The following SIRPD variants were observed in gnomAD, a reference collection of about 807,000 sequenced individuals.
SIRPD encodes the protein signal regulatory protein delta.
Under a neutral mutation model 18.0 loss-of-function variants are expected in SIRPD, and 21 were observed. The observed-to-expected ratio is 1.17, with a 90% confidence interval of 0.83 to 1.68. The LOEUF (loss-of-function observed/expected upper bound fraction) is 1.68, where lower values mean the gene tolerates loss of function less well. Among genes scored for constraint, SIRPD ranks in the 40% most tolerant of loss-of-function variants. The pLI is 0.00. For missense variants in SIRPD, 295 were observed against 238.4 expected, an observed-to-expected ratio of 1.24 and a Z score of -1.56; for synonymous variants, 106 against 92.9, an observed-to-expected ratio of 1.14 and a Z score of -0.81.
chr20:1,556,532 C>G (rs2091042257), intron 1 of SIRPD, among the ~76,000 whole-genome samples: 2 of 152,152 alleles, frequency 1.3e-5, no homozygotes, highest in Non-Finnish European at 2.9e-5. Flanking sequence ...CCACAAGTAG[C>G]TCAGAATGTG....
chr20:1,557,634 G>A lies in SIRPD; in HGVS notation c.20C>T (p.Pro7Leu), dbSNP rs754411309. The change falls in exon 1 of 4, where the codon CCA (proline) becomes CTA (leucine). Residue 7 changes from proline (P) to leucine (L), a missense_variant. Transcript: ENST00000381623. ...TAAGGAAGGCAGAGGTGGGTGGAGT[G>A]GGGAGGCAGGGATGGGCATTGTGGT... The part of the protein sequence containing the change: MPIPAS[P>L]LHPPLPSLLL... 4.3e-6 allele frequency: 7 copies of A among 1,609,698 alleles called. No individual in the cohort carries two copies. The highest frequency in any genetic ancestry group is 1.7e-5 in the Admixed American group (1 of 59,414).
In SIRPD at chr20:1,534,458, A is replaced by G. The variant is rs751413081; in HGVS notation, c.578-17T>C. On this transcript the variant is annotated splice_polypyrimidine_tract_variant and intron_variant, in intron 3 of 3. Coordinates refer to ENST00000381623, the MANE Select transcript of SIRPD (RefSeq NM_178460.3). ...ACAGCAAGCCTGAAATACAATAAAA[A>G]TAAAATAAAATAAAACATTTCTCCC... is the stretch of plus-strand genomic sequence containing the variant. The G allele has an allele frequency of 6.2e-7, 1 of 1,600,168 alleles. No individual in the cohort carries two copies. Among genetic ancestry groups the G allele is most frequent in the South Asian group, 1.1e-5 (1 of 89,808 alleles).
intron 2 of SIRPD, among the ~76,000 whole-genome samples, chr20:1,539,094 C>T (rs1194311483): frequency 2.6e-5 from 4 of 152,150 alleles, no homozygotes; most frequent in Non-Finnish European, 5.9e-5. Context: ...GGGTTTCAAT[C>T]ATTTTTATTT....
chr20:1,546,663 A>G (rs151328106), intron 2 of SIRPD, among the ~76,000 whole-genome samples: 1 of 152,322 alleles, frequency 6.6e-6, no homozygotes, highest in East Asian at 1.9e-4. Context: ...GGAGCTGCCT[A>G]TCTATTTTCC....
At chr20:1,534,874 A>T (rs1568664588) in intron 3 of SIRPD, among the ~76,000 whole-genome samples, 2 of 152,216 alleles carry the variant, frequency 1.3e-5, no homozygotes, top group South Asian at 4.1e-4. Context: ...TTTGAAATGC[A>T]ATTTCCCAAT....
Position 1,552,065 on chromosome 20 carries a change from C to T in SIRPD, c.74-27G>A, listed in dbSNP as rs369940226. On this transcript the variant is annotated intron_variant, in intron 1 of 3. Coordinates refer to ENST00000381623, the MANE Select transcript of SIRPD (RefSeq NM_178460.3). ...TGGAAAAAAGCTGAAAATCATTTCT[C>T]ATTTCCCCTGTTCTGGCTTAAGCAT... 98 of 1,591,830 alleles carry T rather than the reference C, an allele frequency of 6.2e-5. 3 individuals are homozygous for T. In the South Asian group the frequency reaches 9.6e-4, roughly 16 times the overall value.
In SIRPD at chr20:1,551,118, A is replaced by G. The variant is rs151278466; in HGVS notation, c.421+573T>C. Among the ~76,000 whole-genome samples, 498 of 152,300 alleles carry G rather than the reference A, an allele frequency of 3.3e-3. 2 individuals are homozygous for G. Among genetic ancestry groups the G allele is most frequent in the Non-Finnish European group, 4.7e-3 (320 of 68,036 alleles). On this transcript the variant is annotated intron_variant, in intron 2 of 3. Transcript: ENST00000381623. ...GCTTAGCAAGGAGATGTTTTCTTTC[A>G]CATTATTAGAGGTCCAGAGGTGAGA... is the stretch of plus-strand genomic sequence containing the variant.
chr20:1,540,241 C>G, intron 2 of SIRPD: 1 of 455,374 alleles, frequency 2.2e-6, no homozygotes, highest in Middle Eastern at 3.3e-4. Flanking sequence ...AATATGTTCT[C>G]TCCTAGAACC....
chr20:1,548,453 A>C (rs1193070580), intron 2 of SIRPD, among the ~76,000 whole-genome samples: 6 of 152,152 alleles, frequency 3.9e-5, no homozygotes, highest in Admixed American at 1.3e-4. Flanking sequence ...TATTCATGGG[A>C]TAAATCCCAC....
At chr20:1,546,914 C>G (rs1181354370) in intron 2 of SIRPD, among the ~76,000 whole-genome samples, 1 of 152,174 alleles carries the variant, frequency 6.6e-6, no homozygotes, top group Non-Finnish European at 1.5e-5. Flanking sequence ...ATTCTAAACT[C>G]AAGGCCCTTA....
chr20:1,548,617 T>TA (rs769365978), intron 2 of SIRPD, among the ~76,000 whole-genome samples: 1 of 152,158 alleles, frequency 6.6e-6, no homozygotes, highest in Non-Finnish European at 1.5e-5. Flanking sequence ...GGTAATTTTT[T>TA]ATTACTAATT....
chr20:1,553,353 T>C (rs1413798375), intron 1 of SIRPD, among the ~76,000 whole-genome samples: 2 of 152,046 alleles, frequency 1.3e-5, no homozygotes, highest in Admixed American at 6.6e-5. Context: ...CAGTTGGTAA[T>C]GGGAAGGTGA....
Position 1,551,755 on chromosome 20 carries a change from C to A in SIRPD, c.357G>T (p.Lys119Asn), listed in dbSNP as rs571299254. ...CCTTGATAGCTCTTCCTTTTATGAA[C>A]TTCACGCAGTAATAGGTGCCAGCAT... is the stretch of plus-strand genomic sequence containing the variant. ...LADAGTYYCV[K>N]FIKGRAIKEY... The change falls in exon 2 of 4, where the codon AAG becomes AAT. Residue 119 changes from lysine to asparagine, a missense_variant. Lys to Asn is a moderately conservative substitution (Grantham distance 94). Coordinates refer to ENST00000381623, the MANE Select transcript of SIRPD (RefSeq NM_178460.3). 1 of 1,614,100 alleles carries A rather than the reference C, an allele frequency of 6.2e-7. No homozygotes were observed. The highest frequency in any genetic ancestry group is 8.5e-7 in the Non-Finnish European group (1 of 1,179,960).
chr20:1,540,693 G>A (rs2090967127), intron 2 of SIRPD, among the ~76,000 whole-genome samples: 3 of 152,230 alleles, frequency 2.0e-5, no homozygotes. Flanking sequence ...AGAACCTGCA[G>A]GTTTGTTACA....
At chr20:1,534,509 T>G in intron 3 of SIRPD, 68 bp from the exon 4 acceptor site, 1 of 1,460,354 alleles carries the variant, frequency 6.8e-7, no homozygotes, top group African/African-American at 1.4e-5. Context: ...GCAGACACAA[T>G]TTTTAGAATA....
At chr20:1,538,607 A>G (rs1005133028) in intron 2 of SIRPD, among the ~76,000 whole-genome samples, 6 of 152,164 alleles carry the variant, frequency 3.9e-5, no homozygotes, top group Non-Finnish European at 7.3e-5. Flanking sequence ...AATTCCCTGC[A>G]TTTCTACCTG....
intron 2 of SIRPD, among the ~76,000 whole-genome samples, chr20:1,537,667 C>T (rs2090953302): frequency 6.6e-6 from 1 of 152,018 alleles, no homozygotes; most frequent in Admixed American, 6.6e-5. Context: ...GAGGAGGGCT[C>T]CCGGGAATGG....
At chr20:1,553,773 G>C (rs2091028883) in intron 1 of SIRPD, among the ~76,000 whole-genome samples, 1 of 152,170 alleles carries the variant, frequency 6.6e-6, no homozygotes, top group African/African-American at 2.4e-5. Flanking sequence ...ATTTGGCACA[G>C]GTTGTCCAGA....
Position 1,550,367 on chromosome 20 carries a change from G to A in SIRPD, c.421+1324C>T, listed in dbSNP as rs189601528. On this transcript the variant is annotated intron_variant, in intron 2 of 3. Coordinates refer to ENST00000381623, the MANE Select transcript of SIRPD (RefSeq NM_178460.3). ...CCCTAGAACTCATTTGTGAAGGTTG[G>A]TAGGAAGAAGCTGTCTTTCCACCTT... 2.6e-5 allele frequency among the ~76,000 whole-genome samples: 4 copies of A among 152,338 alleles called. No individual in the cohort carries two copies. The East Asian group carries it at 7.7e-4, about 29-fold the overall frequency.
Sources: gnomAD v4.1 joint callset for allele counts (sites outside exome capture counted in the v4.1 genomes callset) on GRCh38, gnomAD v4.1.1 for gene constraint, MANE v1.5 for transcripts, NCBI Gene and HGNC (gene_info 2026-07-23, HGNC 2026-07-21) for gene names.